Variants in CNR1 observed in about 807,000 individuals in gnomAD.
CNR1 encodes cannabinoid receptor 1.
CNR1 carries 10 observed loss-of-function variants against 23.0 expected under a neutral mutation model. That is an observed-to-expected ratio of 0.43 (90% CI 0.27 to 0.74). The LOEUF is 0.74. Among genes scored for constraint, CNR1 ranks in the 30% least tolerant of loss-of-function variants. The probability of loss-of-function intolerance (pLI) is 0.19; values close to 1 mark genes in which losing one functional copy is unlikely to be tolerated. For missense variants in CNR1, 422 were observed against 618.8 expected, an observed-to-expected ratio of 0.68 and a Z score of 3.37; for synonymous variants, 271 against 255.2, an observed-to-expected ratio of 1.06 and a Z score of -0.59.
Position 88,140,126 on chromosome 6 carries a change from C to T in CNR1, c.*3730G>A, listed in dbSNP as rs1462891204. The T allele has an allele frequency of 1.3e-5, 2 of 152,708 alleles. No homozygotes were observed. The highest frequency in any genetic ancestry group is 2.9e-5 in the Non-Finnish European group (2 of 68,032). The allele number at this position is 152,708 out of a possible 1,614,324, so 9.5% of individuals were successfully genotyped here. A position where few individuals can be genotyped will look rare whatever the true frequency, so the allele number is the denominator to read the frequency against. ...ATACAGATTACTAACGAAGATATTG[C>T]AGTGGTTGCAACGATGTTACCAGCT... On this transcript the variant is annotated 3_prime_UTR_variant, in exon 2 of 2. Coordinates refer to ENST00000369501, the MANE Select transcript of CNR1 (RefSeq NM_016083.6).
upstream of CNR1, among the ~76,000 whole-genome samples, chr6:88,166,786 C>T (rs1778387424): frequency 7.6e-6 from 1 of 131,874 alleles, no homozygotes; most frequent in Non-Finnish European, 1.7e-5. Context: ...GGGCAGCGGG[C>T]TGAGCCGGAA....
At chr6:88,160,951 A>G (rs1778072092) in intron 1 of CNR1, among the ~76,000 whole-genome samples, 1 of 152,198 alleles carries the variant, frequency 6.6e-6, no homozygotes, top group Non-Finnish European at 1.5e-5. Context: ...TTAATTAAGA[A>G]TCCAAATAAG....
chr6:88,150,698 C>A (rs2127841091), intron 1 of CNR1, among the ~76,000 whole-genome samples: 1 of 152,238 alleles, frequency 6.6e-6, no homozygotes, highest in East Asian at 1.9e-4. Flanking sequence ...GACCAGTAAG[C>A]CTGGTGTTTA....
chr6:88,158,335 G>A (rs1777910834), intron 1 of CNR1, among the ~76,000 whole-genome samples: 1 of 152,146 alleles, frequency 6.6e-6, no homozygotes, highest in African/African-American at 2.4e-5. Flanking sequence ...GAGATTCCAG[G>A]AACTGAAAAG....
At position 88,143,769 on chromosome 6, in the gene CNR1, A is replaced by C. The variant is rs1158606610; in HGVS notation, c.*87T>G. The C allele has an allele frequency of 2.1e-6, 2 of 964,074 alleles. No individual in the cohort carries two copies. The highest frequency in any genetic ancestry group is 3.2e-6 in the Non-Finnish European group (2 of 634,480). The allele number at this position is 964,074 out of a possible 1,614,324, so 59.7% of individuals were successfully genotyped here. A position where few individuals can be genotyped will look rare whatever the true frequency, so the allele number is the denominator to read the frequency against. On this transcript the variant is annotated 3_prime_UTR_variant, in exon 2 of 2. Transcript: ENST00000369501. ...TCATTGAGCATGGTAAAGTTAAAAA[A>C]ATATAACCAAGGAGACAATAGACTC...
At chr6:88,153,071 C>T (rs1381919424) in intron 1 of CNR1, among the ~76,000 whole-genome samples, 1 of 152,152 alleles carries the variant, frequency 6.6e-6, no homozygotes. Context: ...CTATATAAAT[C>T]ATGACTTCAT....
chr6:88,149,261 G>A (rs1218104526), intron 1 of CNR1, among the ~76,000 whole-genome samples: 1 of 152,208 alleles, frequency 6.6e-6, no homozygotes, highest in Non-Finnish European at 1.5e-5. Context: ...TATCTCCTGA[G>A]TTCCTACCCT....
chr6:88,160,063 C>G (rs1385201529), intron 1 of CNR1, among the ~76,000 whole-genome samples: 1 of 152,018 alleles, frequency 6.6e-6, no homozygotes, highest in Non-Finnish European at 1.5e-5. Flanking sequence ...CACGGTAGCA[C>G]ACGCCTGTAA....
In CNR1 at chr6:88,144,243, G is replaced by A; in HGVS notation, c.1032C>T (p.Thr344=). ...TCAACACCACCAGGATCAGGACCAGGGTCTTGGCTAACCTAATGTCCATGC... is the reference window on the plus strand; with the variant it reads ...TCAACACCACCAGGATCAGGACCAGAGTCTTGGCTAACCTAATGTCCATGC... ...QARMDIRLAK[T]LVLILVVLII... Residue 344 remains threonine (T), a synonymous_variant, in exon 2 of 2, where the codon ACC becomes ACT. Coordinates refer to ENST00000369501, the MANE Select transcript of CNR1 (RefSeq NM_016083.6). This position sits in a 1 kb window ranked among gnomAD's most constrained non-coding sequence, Gnocchi z 7.8. 6.2e-7 allele frequency: 1 copy of A among 1,611,300 alleles called. No homozygotes were observed. Among genetic ancestry groups the A allele is most frequent in the Non-Finnish European group, 8.5e-7 (1 of 1,179,996 alleles).
At chr6:88,155,293 GA>G (rs1777735560) in intron 1 of CNR1, among the ~76,000 whole-genome samples, 1 of 152,170 alleles carries the variant, frequency 6.6e-6, no homozygotes, top group South Asian at 2.1e-4. Context: ...ATGCACAATA[GA>G]GAAAATCCTA....
chr6:88,152,310 C>T (rs749039961), intron 1 of CNR1, among the ~76,000 whole-genome samples: 7 of 151,870 alleles, frequency 4.6e-5, no homozygotes, highest in Non-Finnish European at 8.8e-5. Flanking sequence ...CCTATCAAAG[C>T]TCATCTAGGT....
In CNR1 at chr6:88,144,960, T is replaced by A; in HGVS notation, c.315A>T (p.Ile105=). Residue 105 remains isoleucine (I), a synonymous_variant, in exon 2 of 2, where the codon ATA becomes ATT. Coordinates refer to ENST00000369501, the MANE Select transcript of CNR1 (RefSeq NM_016083.6). This position sits in a 1 kb window ranked among gnomAD's most constrained non-coding sequence, Gnocchi z 7.8. ...NIQCGENFMD[I]ECFMVLNPSQ... is the part of the protein sequence containing the mutation. Reference sequence around the variant, plus strand: ...TGGGGTTCAGGACCATGAAACACTCTATGTCCATGAAGTTCTCCCCACACT... The same window carrying A: ...TGGGGTTCAGGACCATGAAACACTCAATGTCCATGAAGTTCTCCCCACACT... 1 of 1,614,170 alleles carries A rather than the reference T, an allele frequency of 6.2e-7. No individual in the cohort carries two copies. The highest frequency in any genetic ancestry group is 8.5e-7 in the Non-Finnish European group (1 of 1,180,000).
chr6:88,149,933 G>A (rs1777429679), intron 1 of CNR1, among the ~76,000 whole-genome samples: 1 of 152,320 alleles, frequency 6.6e-6, no homozygotes, highest in African/African-American at 2.4e-5. Context: ...CTGATAGCAT[G>A]ATAGCAGGAG....
At chr6:88,153,381 G>A (rs1017201416) in intron 1 of CNR1, among the ~76,000 whole-genome samples, 6 of 152,140 alleles carry the variant, frequency 3.9e-5, no homozygotes, top group Non-Finnish European at 7.3e-5. Context: ...TGAAAACACT[G>A]TAGAAGTATT....
intron 1 of CNR1, among the ~76,000 whole-genome samples, chr6:88,160,870 TAAAG>T (rs1562517203): frequency 6.6e-6 from 1 of 152,192 alleles, no homozygotes; most frequent in Non-Finnish European, 1.5e-5. Context: ...AAAGAATGAA[TAAAG>T]AAATGGTGAA....
Position 88,165,783 on chromosome 6 carries a change from G to GC in CNR1, c.-64+19dup, listed in dbSNP as rs1778340571. On this transcript the variant is annotated intron_variant, in intron 1 of 1. Coordinates refer to ENST00000369501, the MANE Select transcript of CNR1 (RefSeq NM_016083.6). ...GGAGGCGGAAAAAGTATTTCCAAAC[G>GC]CAACTCTGCCAGGTCTTACCCTTCG... 1 of 152,496 alleles carries GC rather than the reference G, an allele frequency of 6.6e-6. No homozygotes were observed. Among genetic ancestry groups the GC allele is most frequent in the Non-Finnish European group, 1.5e-5 (1 of 68,206 alleles). The allele number at this position is 152,496 out of a possible 1,614,324, so 9.4% of individuals were successfully genotyped here.
chr6:88,149,169 G>A (rs1332576137), intron 1 of CNR1, among the ~76,000 whole-genome samples: 1 of 152,148 alleles, frequency 6.6e-6, no homozygotes, highest in Non-Finnish European at 1.5e-5. Context: ...AGTGGCTATA[G>A]AAATAAAGGA....
At chr6:88,154,992 T>C (rs532889929) in intron 1 of CNR1, among the ~76,000 whole-genome samples, 5 of 152,362 alleles carry the variant, frequency 3.3e-5, no homozygotes, top group African/African-American at 1.2e-4. Context: ...TTATCTTGCA[T>C]ATGAGATTTG....
At position 88,143,998 on chromosome 6, in the gene CNR1, A is replaced by G. The variant is rs1310252864; in HGVS notation, c.1277T>C (p.Met426Thr). The change falls in exon 2 of 2, where the codon ATG becomes ACG. Residue 426 changes from methionine (M) to threonine (T), a missense_variant. This residue lies in a region of CNR1 where 79 missense variants were observed against 98.0 expected (regional missense o/e 0.81). Transcript: ENST00000369501. Reference sequence around the variant, plus strand: ...TTTGTGCAGGCAGTCCGAGTCCCCCATGCTGTTATCCAGAGGCTGCGCAGT... The same window carrying G: ...TTTGTGCAGGCAGTCCGAGTCCCCCGTGCTGTTATCCAGAGGCTGCGCAGT... ...EGTAQPLDNS[M>T]GDSDCLHKHA... 3.7e-6 allele frequency: 6 copies of G among 1,613,802 alleles called. No homozygotes were observed. Among genetic ancestry groups the G allele is most frequent in the East Asian group, 2.2e-5 (1 of 44,856 alleles).
Sources: gnomAD v4.1 joint callset for allele counts (sites outside exome capture counted in the v4.1 genomes callset) on GRCh38, gnomAD v4.1.1 for gene constraint, gnomAD v4.1.1 regional missense constraint, Gnocchi (gnomAD v3.1) non-coding constraint, MANE v1.5 for transcripts, NCBI Gene and HGNC (gene_info 2026-07-23, HGNC 2026-07-21) for gene names.